PPA2: variants seen among roughly 807,000 people sequenced by gnomAD.
PPA2 encodes the protein inorganic pyrophosphatase 2, mitochondrial.
In PPA2, 48 loss-of-function variants were observed where a neutral mutation model predicts 49.5. The ratio of observed to expected loss-of-function variants is 0.97; its 90% confidence interval spans 0.77 to 1.23. The LOEUF is 1.23. PPA2 is among the 50% of genes most tolerant of loss of function. The pLI is 0.00. For missense variants in PPA2, 429 were observed against 410.1 expected (o/e 1.05, Z -0.40); for synonymous variants, 131 against 139.9 (o/e 0.94, Z 0.45).
chr4:105,380,205 T>C lies in PPA2; in HGVS notation c.939+6362A>G, dbSNP rs1429195462. ...CAAATTGAATTTGTTTATGCCTACTTCTTCTTCAGTGAGCTTTGGTAGTTT... is the reference window on the plus strand; with the variant it reads ...CAAATTGAATTTGTTTATGCCTACTCCTTCTTCAGTGAGCTTTGGTAGTTT... On this transcript the variant is annotated intron_variant, in intron 10 of 11. Transcript: ENST00000341695. 9.5e-5 allele frequency among the ~76,000 whole-genome samples: 6 copies of C among 63,406 alleles called. No individual in the cohort carries two copies. In the South Asian group the frequency reaches 5.7e-3, roughly 61 times the overall value. The allele number at this position is 63,406 out of a possible 152,430, so 41.6% of individuals were successfully genotyped here. A position where few individuals can be genotyped will look rare whatever the true frequency, so the allele number is the denominator to read the frequency against.
chr4:105,455,718 C>T (rs1159681108), intron 2 of PPA2, among the ~76,000 whole-genome samples: 1 of 152,196 alleles, frequency 6.6e-6, no homozygotes, highest in Non-Finnish European at 1.5e-5. Flanking sequence ...CATAACCTCA[C>T]TATGATGCAT....
At chr4:105,427,943 C>T (rs1723603081) in intron 6 of PPA2, among the ~76,000 whole-genome samples, 1 of 152,092 alleles carries the variant, frequency 6.6e-6, no homozygotes, top group Admixed American at 6.6e-5. Flanking sequence ...TAAGGGCAGC[C>T]AGAGAGAAAG....
chr4:105,452,929 A>G (rs1314872201), intron 3 of PPA2, among the ~76,000 whole-genome samples: 1 of 140,314 alleles, frequency 7.1e-6, no homozygotes, highest in Non-Finnish European at 1.6e-5. Flanking sequence ...ATATATATTT[A>G]GAATATATTC....
intron 5 of PPA2, among the ~76,000 whole-genome samples, chr4:105,446,012 G>T (rs1722364888): frequency 6.6e-6 from 1 of 151,946 alleles, no homozygotes; most frequent in African/African-American, 2.4e-5. Flanking sequence ...TATAAAATTT[G>T]TGCTATCATA....
At chr4:105,446,281 T>C (rs1722382010) in intron 5 of PPA2, 102 bp downstream of exon 5, 2 of 1,235,346 alleles carry the variant, frequency 1.6e-6, no homozygotes, top group Non-Finnish European at 2.2e-6. Flanking sequence ...CCTCTCCAAA[T>C]GACATGTCCT....
At chr4:105,413,335 G>A (rs1722849771) in intron 7 of PPA2, among the ~76,000 whole-genome samples, 2 of 152,022 alleles carry the variant, frequency 1.3e-5, no homozygotes, top group South Asian at 4.1e-4. Context: ...GGGGGACTGG[G>A]GGAGGGATAG....
At position 105,473,990 on chromosome 4, in the gene PPA2, C is replaced by G; in HGVS notation, c.61G>C (p.Gly21Arg). 6.2e-7 allele frequency: 1 copy of G among 1,608,702 alleles called. No individual in the cohort carries two copies. The highest frequency in any genetic ancestry group is 8.5e-7 in the Non-Finnish European group (1 of 1,177,908). The change falls in exon 1 of 12, where the codon GGG becomes CGG. Residue 21 changes from glycine (G) to arginine (R), a missense_variant. By Grantham distance (125) the Gly-to-Arg change is moderately radical. Transcript: ENST00000341695. The part of the protein sequence containing the change: ...GAPAAACLRL[G>R]TSAGTGSRRA... ...CGCGACCCGGTCCCTGCACTGGTCC[C>G]CAACCGCAGGCACGCAGCGGCTGGG... is the stretch of plus-strand genomic sequence containing the variant.
chr4:105,401,830 A>G (rs1392803737), intron 7 of PPA2, among the ~76,000 whole-genome samples: 1 of 152,208 alleles, frequency 6.6e-6, no homozygotes, highest in East Asian at 1.9e-4. Context: ...TTTGTAGAAC[A>G]TTCTGATTAA....
At chr4:105,396,147 G>T in intron 9 of PPA2, 102 bp downstream of exon 9, 2 of 674,040 alleles carry the variant, frequency 3.0e-6, no homozygotes, top group Non-Finnish European at 4.9e-6. Flanking sequence ...AATCTGTATT[G>T]TTTAAATTAA....
chr4:105,380,862 T>C (rs961511293), intron 10 of PPA2, among the ~76,000 whole-genome samples: 1 of 152,154 alleles, frequency 6.6e-6, no homozygotes, highest in African/African-American at 2.4e-5. Context: ...AATTTTTCCA[T>C]TTCTGATCAT....
At chr4:105,431,134 G>A (rs1021365368) in intron 6 of PPA2, among the ~76,000 whole-genome samples, 13 of 152,024 alleles carry the variant, frequency 8.6e-5, no homozygotes, top group Non-Finnish European at 1.6e-4. Flanking sequence ...AAAACATTTG[G>A]GGGTGATAAA....
intron 7 of PPA2, among the ~76,000 whole-genome samples, chr4:105,414,668 G>T (rs1473557046): frequency 1.3e-5 from 2 of 152,212 alleles, no homozygotes; most frequent in Non-Finnish European, 2.9e-5. Flanking sequence ...GGAGCCATTA[G>T]GTCTGGGATC....
intron 7 of PPA2, among the ~76,000 whole-genome samples, chr4:105,410,302 G>T (rs955708297): frequency 3.9e-5 from 6 of 152,194 alleles, no homozygotes; most frequent in Non-Finnish European, 7.4e-5. Context: ...TGAAGTGGAA[G>T]AAAGGATATC....
intron 10 of PPA2, among the ~76,000 whole-genome samples, chr4:105,372,135 T>G (rs1733051278): frequency 6.6e-6 from 1 of 152,306 alleles, no homozygotes; most frequent in South Asian, 2.1e-4. Flanking sequence ...TAAACCTGTC[T>G]GGGCAGAGGA....
At chr4:105,448,184 A>C in intron 4 of PPA2, 1 of 263,742 alleles carries the variant, frequency 3.8e-6, no homozygotes, top group Non-Finnish European at 7.6e-6. Context: ...TGCATCCTCC[A>C]CCTAACTGAG....
At chr4:105,404,466 C>T (rs1476460716) in intron 7 of PPA2, among the ~76,000 whole-genome samples, 1 of 152,046 alleles carries the variant, frequency 6.6e-6, no homozygotes, top group Non-Finnish European at 1.5e-5. Flanking sequence ...ACAATGAGAA[C>T]ACTCAGGAAG....
intron 7 of PPA2, among the ~76,000 whole-genome samples, chr4:105,417,253 CTTTAA>C (rs1238761554): frequency 3.9e-5 from 6 of 152,128 alleles, no homozygotes; most frequent in African/African-American, 1.4e-4. Context: ...TCATCTAATC[CTTTAA>C]TTTAAACTGG....
intron 7 of PPA2, chr4:105,399,406 G>A: frequency 3.2e-6 from 1 of 314,914 alleles, no homozygotes; most frequent in East Asian, 5.6e-5. Flanking sequence ...TTCAGACAAT[G>A]TGCTATGTAT....
chr4:105,409,488 A>T (rs1483331927), intron 7 of PPA2, among the ~76,000 whole-genome samples: 2 of 152,234 alleles, frequency 1.3e-5, no homozygotes, highest in African/African-American at 4.8e-5. Context: ...AGGCAGCAGA[A>T]ACTTCTGCAG....
Sources: allele counts gnomAD v4.1 joint callset (sites outside exome capture counted in the v4.1 genomes callset), GRCh38; gene constraint gnomAD v4.1.1; transcripts MANE v1.5; gene names NCBI Gene and HGNC (gene_info 2026-07-23, HGNC 2026-07-21).